Variants in KMT2C observed in about 807,000 individuals in gnomAD.
The protein encoded by KMT2C is histone-lysine N-methyltransferase 2C.
Under a neutral mutation model 507.9 loss-of-function variants are expected in KMT2C, and 88 were observed. The ratio of observed to expected loss-of-function variants is 0.17; its 90% CI spans 0.15 to 0.21. The LOEUF (loss-of-function observed/expected upper bound fraction) is 0.21, where lower values mean the gene tolerates loss of function less well. Ranked by LOEUF, KMT2C falls within the 10% of genes least tolerant of loss-of-function variation. The pLI is 1.00. For missense variants in KMT2C, 4,954 were observed against 5,957.8 expected (o/e 0.83, Z 5.55); for synonymous variants, 2,049 against 2,080.8 (o/e 0.98, Z 0.42).
chr7:152,301,208 A>G (rs2096564665), intron 6 of KMT2C, among the ~76,000 whole-genome samples: 1 of 151,742 alleles, frequency 6.6e-6, no homozygotes, highest in South Asian at 2.1e-4. Context: ...AAAAAAAAAA[A>G]AAAAAAGAAA....
intron 3 of KMT2C, among the ~76,000 whole-genome samples, chr7:152,318,362 G>A (rs1589151775): frequency 6.6e-6 from 1 of 152,002 alleles, no homozygotes; most frequent in African/African-American, 2.4e-5. Flanking sequence ...CCAGCACTTT[G>A]GGAGGCCTAG....
At position 152,330,179 on chromosome 7, in the gene KMT2C, GAGAAA is replaced by G. The variant is rs1169260935; in HGVS notation, c.389+417_389+421del. Among the ~76,000 whole-genome samples, 481 of 118,260 alleles carry G rather than the reference GAGAAA, an allele frequency of 4.1e-3. 6 individuals carry two copies. Among genetic ancestry groups the G allele is most frequent in the African/African-American group, 0.015 (449 of 30,780 alleles). The allele number at this position is 118,260 out of a possible 152,430, so 77.6% of individuals were successfully genotyped here. Reference sequence around the variant, plus strand: ...GGGGGGGAGGGGTGGTGGGGGGGGGGAGAAAAAGAAAGAAAAAAAATAGGTTATAA... The same window carrying G: ...GGGGGGGAGGGGTGGTGGGGGGGGGGAAGAAAGAAAAAAAATAGGTTATAA... On this transcript the variant is annotated intron_variant, in intron 3 of 58. Transcript: ENST00000262189.
intron 6 of KMT2C, among the ~76,000 whole-genome samples, chr7:152,309,497 CATAAA>C (rs1281031484): frequency 3.0e-5 from 4 of 133,322 alleles, no homozygotes; most frequent in Admixed American, 2.3e-4. Flanking sequence ...CTAATTTTTG[CATAAA>C]ATAACTTTTT....
chr7:152,315,594 G>A (rs529671447), intron 3 of KMT2C, among the ~76,000 whole-genome samples: 23 of 152,278 alleles, frequency 1.5e-4, no homozygotes, highest in African/African-American at 5.5e-4. Context: ...CTAGTTAGCA[G>A]TTAGAAAAGT....
intron 1 of KMT2C, among the ~76,000 whole-genome samples, chr7:152,382,416 A>T (rs1269988910): frequency 6.6e-6 from 1 of 152,082 alleles, no homozygotes; most frequent in African/African-American, 2.4e-5. Flanking sequence ...TCTTTTCAAA[A>T]ACCCAAACAC....
chr7:152,252,778 T>C (rs1034976736), intron 9 of KMT2C, 63 bp from the exon 10 acceptor site: 14 of 1,203,772 alleles, frequency 1.2e-5, no homozygotes, highest in African/African-American at 1.5e-5. Flanking sequence ...GTAGTTCTGA[T>C]GTAAACCTTT....
intron 4 of KMT2C, chr7:152,312,430 C>CTTT: frequency 6.6e-6 from 1 of 152,484 alleles, no homozygotes; most frequent in Middle Eastern, 3.4e-3. Context: ...AAAATGAAAA[C>CTTT]CCACTACAGA....
intron 1 of KMT2C, chr7:152,367,958 A>C (rs1017176388): frequency 4.4e-5 from 41 of 923,110 alleles, no homozygotes; most frequent in Admixed American, 7.8e-5. Flanking sequence ...TACCAGAGGA[A>C]TGCCAACAGT....
Position 152,352,006 on chromosome 7 carries a change from C to T in KMT2C, c.250+6581G>A, listed in dbSNP as rs549002945. ...AAGAGAGACAACCTTGAACTCTGAC[C>T]GCTGGTGAGCCGGGCAGAACAGAGC... is the stretch of plus-strand genomic sequence containing the variant. On this transcript the variant is annotated intron_variant, in intron 2 of 58. Coordinates refer to ENST00000262189, the MANE Select transcript of KMT2C (RefSeq NM_170606.3). Among the ~76,000 whole-genome samples, 101 of 151,944 alleles carry T rather than the reference C, an allele frequency of 6.6e-4. 1 individual carries two copies. The highest frequency in any genetic ancestry group is 5.6e-4 in the Non-Finnish European group (38 of 67,978).
chr7:152,147,346 T>C (rs572325973), intron 52 of KMT2C, among the ~76,000 whole-genome samples: 1 of 152,214 alleles, frequency 6.6e-6, no homozygotes, highest in South Asian at 2.1e-4. Flanking sequence ...GTATACAGTA[T>C]GATTTAGATG....
chr7:152,432,278 T>C (rs2097869685), intron 1 of KMT2C, among the ~76,000 whole-genome samples: 1 of 152,130 alleles, frequency 6.6e-6, no homozygotes, highest in Non-Finnish European at 1.5e-5. Flanking sequence ...CATAGTAGAG[T>C]AGAATGTTTC....
chr7:152,355,264 G>A (rs2129228819), intron 2 of KMT2C, among the ~76,000 whole-genome samples: 1 of 152,290 alleles, frequency 6.6e-6, no homozygotes, highest in Middle Eastern at 3.4e-3. Context: ...TGGTAACACT[G>A]GAAGAGAGGG....
At chr7:152,373,492 A>T (rs1265248060) in intron 1 of KMT2C, among the ~76,000 whole-genome samples, 2 of 152,218 alleles carry the variant, frequency 1.3e-5, no homozygotes, top group African/African-American at 4.8e-5. Flanking sequence ...AAATAATAAA[A>T]TTTCACAGGG....
chr7:152,318,944 T>C (rs906665033), intron 3 of KMT2C, among the ~76,000 whole-genome samples: 7 of 152,264 alleles, frequency 4.6e-5, no homozygotes, highest in African/African-American at 1.4e-4. Context: ...CTGAAAGAGA[T>C]GGTTAAGCAT....
chr7:152,399,451 G>C (rs2097557840), intron 1 of KMT2C, among the ~76,000 whole-genome samples: 1 of 152,096 alleles, frequency 6.6e-6, no homozygotes. Context: ...CTGGGAGAGA[G>C]GAAACTAGTG....
chr7:152,338,846 A>G (rs1420284518), intron 2 of KMT2C, among the ~76,000 whole-genome samples: 1 of 152,242 alleles, frequency 6.6e-6, no homozygotes, highest in Admixed American at 6.5e-5. Flanking sequence ...TACTAGGACC[A>G]TGTTACTGAG....
intron 27 of KMT2C, among the ~76,000 whole-genome samples, chr7:152,198,301 A>G (rs2094025445): frequency 6.6e-6 from 1 of 152,240 alleles, no homozygotes; most frequent in Non-Finnish European, 1.5e-5. Context: ...AATTATTTCA[A>G]AAAGTCAAAA....
chr7:152,234,748 A>G (rs1419479543), intron 16 of KMT2C, among the ~76,000 whole-genome samples: 3 of 152,106 alleles, frequency 2.0e-5, no homozygotes, highest in African/African-American at 7.2e-5. Flanking sequence ...CAAAAATTTT[A>G]AAAAAGGAGT....
chr7:152,161,938 T>C lies in KMT2C; in HGVS notation c.11460+179A>G, dbSNP rs189605874. On this transcript the variant is annotated intron_variant, in intron 43 of 58. Coordinates refer to ENST00000262189, the MANE Select transcript of KMT2C (RefSeq NM_170606.3). ...ATAGTAAACAAATTATTATTTAATATAGTTTAGATATAAGTAAAAACATGG... is the reference window on the plus strand; with the variant it reads ...ATAGTAAACAAATTATTATTTAATACAGTTTAGATATAAGTAAAAACATGG... Among the ~76,000 whole-genome samples, 477 of 152,320 alleles carry C rather than the reference T, an allele frequency of 3.1e-3. 4 individuals are homozygous for C. The highest frequency in any genetic ancestry group is 6.8e-3 in the Middle Eastern group (2 of 294).
Sources: allele counts gnomAD v4.1 joint callset (sites outside exome capture counted in the v4.1 genomes callset), GRCh38; gene constraint gnomAD v4.1.1; transcripts MANE v1.5; gene names NCBI Gene and HGNC (gene_info 2026-07-23, HGNC 2026-07-21).